The following SEMA4A variants were observed in gnomAD, a reference collection of about 807,000 sequenced individuals.
SEMA4A encodes the protein semaphorin-4A.
Under a neutral mutation model 72.5 loss-of-function variants are expected in SEMA4A, and 52 were observed. The observed-to-expected ratio is 0.72, with a 90% CI of 0.57 to 0.90. The LOEUF is 0.90. Among genes scored for constraint, SEMA4A ranks in the 40% least tolerant of loss-of-function variants. SEMA4A has a pLI of 0.00. For synonymous variants in SEMA4A, 369 were observed against 393.1 expected (o/e 0.94, Z 0.73); for missense variants, 926 against 959.7 (o/e 0.96, Z 0.46).
In SEMA4A at chr1:156,175,645, G is replaced by T. The variant is rs146011929; in HGVS notation, c.1682G>T (p.Arg561Leu). ...PMSRSLRPQS[R>L]PQIIKEVLAV... ...AGCAGGAGCCTTCGGCCTCAGAGCCGCCCGCAAATCAGTGAGTGTAGGACC... is the reference window on the plus strand; with the variant it reads ...AGCAGGAGCCTTCGGCCTCAGAGCCTCCCGCAAATCAGTGAGTGTAGGACC... The change falls in exon 14 of 15, where the codon CGC becomes CTC. Residue 561 changes from arginine (R) to leucine (L), a missense_variant. Transcript: ENST00000368285. The T allele has an allele frequency of 2.5e-6, 4 of 1,606,606 alleles. No individual in the cohort carries two copies. The highest frequency in any genetic ancestry group is 3.4e-6 in the Non-Finnish European group (4 of 1,176,376).
chr1:156,151,458 G>A (rs909337439), upstream of SEMA4A, among the ~76,000 whole-genome samples: 1 of 152,232 alleles, frequency 6.6e-6, no homozygotes, highest in Non-Finnish European at 1.5e-5. Flanking sequence ...GAGGCAGGGG[G>A]TGGTACCTCA....
intron 9 of SEMA4A, 96 bp downstream of exon 9, chr1:156,161,614 C>A: frequency 1.5e-6 from 2 of 1,343,566 alleles, no homozygotes; most frequent in Non-Finnish European, 1.1e-6. Flanking sequence ...CATGAGCCAG[C>A]ACCTACTCAG....
In SEMA4A at chr1:156,160,668, G is replaced by A. The variant is rs191012193; in HGVS notation, c.685+109G>A. 3.3e-4 allele frequency: 355 copies of A among 1,073,784 alleles called. No homozygotes were observed. The African/African-American group carries it at 4.6e-3, about 14-fold the overall frequency. 66.5% of individuals were successfully genotyped at this position (1,073,784 alleles called of 1,614,324 possible). ...AATGTGTCCATTACTGTTAGGCGCA[G>A]GGGGTATATGGCAGGGAAGAAGGCA... On this transcript the variant is annotated intron_variant, in intron 7 of 14. Coordinates refer to ENST00000368285, the MANE Select transcript of SEMA4A (RefSeq NM_022367.4).
At chr1:156,171,775 A>AT (rs1334501868) in intron 10 of SEMA4A, among the ~76,000 whole-genome samples, 4 of 150,304 alleles carry the variant, frequency 2.7e-5, no homozygotes, top group East Asian at 3.9e-4. Context: ...TAATTAATTA[A>AT]TTAATTAATT....
chr1:156,159,981 C>T (rs1653425072), intron 6 of SEMA4A, among the ~76,000 whole-genome samples: 1 of 151,056 alleles, frequency 6.6e-6, no homozygotes, highest in Non-Finnish European at 1.5e-5. Flanking sequence ...GGACACCAAC[C>T]ATTACAGACT....
chr1:156,176,472 C>T lies in SEMA4A; in HGVS notation c.1761C>T (p.Ala587=), dbSNP rs778754182. The T allele has an allele frequency of 1.2e-6, 2 of 1,614,164 alleles. No individual in the cohort carries two copies. Among genetic ancestry groups the T allele is most frequent in the Non-Finnish European group, 1.7e-6 (2 of 1,180,028 alleles). The change falls in exon 15 of 15, where the codon GCC becomes GCT. Residue 587 remains alanine (A), a synonymous_variant. Coordinates refer to ENST00000368285, the MANE Select transcript of SEMA4A (RefSeq NM_022367.4). The part of the protein sequence containing the change: ...ELPCPHLSAL[A]SYYWSHGPAA... ...CCTGCCCCCACCTGTCAGCCTTGGC[C>T]TCTTATTATTGGAGTCATGGCCCAG...
At position 156,161,043 on chromosome 1, in the gene SEMA4A, G is replaced by C; in HGVS notation, c.810+14G>C. 2.8e-6 allele frequency: 4 copies of C among 1,408,672 alleles called. No homozygotes were observed. The highest frequency in any genetic ancestry group is 4.0e-6 in the Non-Finnish European group (4 of 1,007,170). 87.3% of individuals were successfully genotyped at this position (1,408,672 alleles called of 1,614,324 possible). ...AGAGTCTGCAAGGTCCGCGGCCTGG[G>C]CGGGGGGCGGGGCTAACTGGAGGAG... is the stretch of plus-strand genomic sequence containing the variant. On this transcript the variant is annotated intron_variant, in intron 8 of 14. Transcript: ENST00000368285.
chr1:156,154,889 C>T, intron 2 of SEMA4A, 172 bp downstream of exon 2: 1 of 901,322 alleles, frequency 1.1e-6, no homozygotes, highest in Non-Finnish European at 1.6e-6. Flanking sequence ...CAGCCAGAAA[C>T]AGAAGTCCAA....
chr1:156,172,391 C>G (rs1362579716), intron 10 of SEMA4A, among the ~76,000 whole-genome samples: 2 of 152,150 alleles, frequency 1.3e-5, no homozygotes, highest in Non-Finnish European at 2.9e-5. Context: ...GCTGGGATTA[C>G]AGGTGTGAGC....
intron 2 of SEMA4A, 185 bp downstream of exon 2, chr1:156,154,902 G>A: frequency 1.2e-6 from 1 of 806,282 alleles, no homozygotes; most frequent in Non-Finnish European, 1.9e-6. Flanking sequence ...AAGTCCAAAA[G>A]GAAAGAAAAG....
At chr1:156,163,385 G>A in intron 10 of SEMA4A, 1 of 422,788 alleles carries the variant, frequency 2.4e-6, no homozygotes, top group Non-Finnish European at 4.4e-6. Flanking sequence ...GCCAAGGACT[G>A]TCTTGGGCAT....
chr1:156,170,300 C>G (rs1431799546), intron 10 of SEMA4A, among the ~76,000 whole-genome samples: 1 of 151,588 alleles, frequency 6.6e-6, no homozygotes, highest in Admixed American at 6.6e-5. Flanking sequence ...CCCGTCTCTA[C>G]TAAAAATACA....
In SEMA4A at chr1:156,154,622, G is replaced by T; in HGVS notation, c.44G>T (p.Gly15Val). ...GGCCTGGACCCCTGGAGCCTCCTGG[G>T]CCTTTTCCTCTTCCAACTGCTTCAG... ...ALGLDPWSLLGLFLFQLLQLL... is the reference protein window; with the variant it reads ...ALGLDPWSLLVLFLFQLLQLL... Residue 15 changes from glycine to valine, a missense_variant, in exon 2 of 15, where the codon GGC becomes GTC. Gly to Val is a moderately radical substitution (Grantham distance 109). Coordinates refer to ENST00000368285, the MANE Select transcript of SEMA4A (RefSeq NM_022367.4). 1.9e-6 allele frequency: 3 copies of T among 1,610,494 alleles called. No individual in the cohort carries two copies. The highest frequency in any genetic ancestry group is 2.5e-6 in the Non-Finnish European group (3 of 1,179,018).
In SEMA4A at chr1:156,157,291, A is replaced by G. The variant is rs1653128398; in HGVS notation, c.300+717A>G. 1.3e-5 allele frequency among the ~76,000 whole-genome samples: 2 copies of G among 151,880 alleles called. No homozygotes were observed. The highest frequency in any genetic ancestry group is 1.9e-4 in the East Asian group (1 of 5,180). ...AACCTCTGCCTCCTGGGTTCAAGCAATTCTGCCTCAGTCTCCTGAGTAGCT... is the reference window on the plus strand; with the variant it reads ...AACCTCTGCCTCCTGGGTTCAAGCAGTTCTGCCTCAGTCTCCTGAGTAGCT... On this transcript the variant is annotated intron_variant, in intron 3 of 14. Coordinates refer to ENST00000368285, the MANE Select transcript of SEMA4A (RefSeq NM_022367.4). The surrounding 1 kb of genome is among the most constrained non-coding windows in gnomAD (Gnocchi z 4.5).
Position 156,153,628 on chromosome 1 carries a change from C to T in SEMA4A, c.-166C>T, listed in dbSNP as rs575355977. 3.3e-5 allele frequency: 5 copies of T among 152,518 alleles called. No individual in the cohort carries two copies. The highest frequency in any genetic ancestry group is 4.1e-4 in the South Asian group (2 of 4,828). The allele number at this position is 152,518 out of a possible 1,614,324, so 9.4% of individuals were successfully genotyped here. On this transcript the variant is annotated 5_prime_UTR_variant, in exon 1 of 15. Coordinates refer to ENST00000368285, the MANE Select transcript of SEMA4A (RefSeq NM_022367.4). ...ATGGGCACCTGGAGGGCCGCACTCC[C>T]GTTCCAGCCAGGCTGAGCCTTCTGT... is the stretch of plus-strand genomic sequence containing the variant.
In SEMA4A at chr1:156,154,026, G is replaced by C. The variant is rs569634401; in HGVS notation, c.-30+262G>C. ...CCAGCTGGGGCTGGGGGAGAGGTTA[G>C]AGCAGGCAGACTCAAACCCAGTCTG... On this transcript the variant is annotated intron_variant, in intron 1 of 14. Transcript: ENST00000368285. Among the ~76,000 whole-genome samples, 11 of 152,328 alleles carry C rather than the reference G, an allele frequency of 7.2e-5. No homozygotes were observed. The South Asian group carries it at 1.9e-3, about 26-fold the overall frequency.
At chr1:156,163,438 A>G (rs565107143) in intron 10 of SEMA4A, 29 of 328,156 alleles carry the variant, frequency 8.8e-5, no homozygotes, top group Non-Finnish European at 1.6e-4. Context: ...ATCAGAGGCC[A>G]GGGCCGGGTG....
chr1:156,160,841 C>A (rs1653523136), intron 7 of SEMA4A, 64 bp from the exon 8 acceptor site: 6 of 1,610,600 alleles, frequency 3.7e-6, no homozygotes, highest in Non-Finnish European at 5.1e-6. Flanking sequence ...CAACGGTTTT[C>A]ACTCAGGCAA....
upstream of SEMA4A, among the ~76,000 whole-genome samples, chr1:156,151,509 T>C (rs567764890): frequency 3.6e-4 from 55 of 152,320 alleles, no homozygotes; most frequent in African/African-American, 1.2e-3. Context: ...TCTGAAACGC[T>C]TTATTGACAC....
Sources: gnomAD v4.1 joint callset for allele counts (sites outside exome capture counted in the v4.1 genomes callset) on GRCh38, gnomAD v4.1.1 for gene constraint, Gnocchi (gnomAD v3.1) non-coding constraint, MANE v1.5 for transcripts, NCBI Gene and HGNC (gene_info 2026-07-23, HGNC 2026-07-21) for gene names.